Variants in MMEL1 observed in about 807,000 individuals in gnomAD.
MMEL1 encodes membrane metallo-endopeptidase-like 1.
MMEL1 carries 98 observed loss-of-function variants against 117.1 expected under a neutral mutation model. The observed-to-expected ratio is 0.84, with a 90% CI of 0.71 to 0.99. MMEL1 has a LOEUF of 0.99. Ranked by LOEUF, MMEL1 falls within the 50% of genes least tolerant of loss-of-function variation. The pLI, the probability that MMEL1 is intolerant of heterozygous loss-of-function variation, is 0.00. For missense variants in MMEL1, 1,014 were observed against 1,049.1 expected, an observed-to-expected ratio of 0.97 and a Z score of 0.46; for synonymous variants, 390 against 415.1, an observed-to-expected ratio of 0.94 and a Z score of 0.74.
Position 2,591,614 on chromosome 1 carries a change from C to G in MMEL1, c.2183G>C (p.Arg728Pro). 3 of 1,465,550 alleles carry G rather than the reference C, an allele frequency of 2.0e-6. No homozygotes were observed. Among genetic ancestry groups the G allele is most frequent in the Non-Finnish European group, 2.8e-6 (3 of 1,089,890 alleles). 90.8% of individuals were successfully genotyped at this position (1,465,550 alleles called of 1,614,324 possible). ...GATGGATTGGATGGCGAACTCGGGC[C>G]GGTAGGACCCGCACCACACCTGTGG... ...NYAQVWCGSY[R>P]PEFAIQSIKT... Residue 728 changes from arginine to proline, a missense_variant, in exon 23 of 24, where the codon CGG (arginine) becomes CCG (proline). Physicochemically the swap from Arg to Pro is moderately radical, Grantham distance 103. Coordinates refer to ENST00000378412, the MANE Select transcript of MMEL1 (RefSeq NM_033467.4).
chr1:2,599,036 G>T (rs774332212), intron 11 of MMEL1, among the ~76,000 whole-genome samples: 2 of 152,106 alleles, frequency 1.3e-5, no homozygotes, highest in Non-Finnish European at 2.9e-5. Context: ...ACACAACTTA[G>T]CAAAAATGAC....
chr1:2,615,682 G>A (rs372636038), intron 2 of MMEL1, among the ~76,000 whole-genome samples: 2 of 152,266 alleles, frequency 1.3e-5, no homozygotes, highest in East Asian at 3.9e-4. Flanking sequence ...TCATAATAGG[G>A]GAGACTGGGG....
chr1:2,598,580 G>A (rs1415506207), intron 12 of MMEL1, 74 bp downstream of exon 12: 5 of 1,594,602 alleles, frequency 3.1e-6, no homozygotes, highest in Non-Finnish European at 4.3e-6. Flanking sequence ...CCTGGGAGCA[G>A]AAGCTGTGTT....
rs4648658 is a variant in MMEL1, at chr1:2,629,443, G to A, written c.42C>T (p.Ala14=). ...SEGPVGMVES[A]GRAGQKRPGF... ...CCGGGCGCTTCTGCCCTGCACGGCCGGCGCTCTCCACCATCCCCACTGGGC... is the reference window on the plus strand; with the variant it reads ...CCGGGCGCTTCTGCCCTGCACGGCCAGCGCTCTCCACCATCCCCACTGGGC... The change falls in exon 2 of 24, where the codon GCC becomes GCT. Residue 14 remains alanine (A), a synonymous_variant. Transcript: ENST00000378412. The A allele has an allele frequency of 0.62, 957,464 of 1,541,042 alleles. 303,624 individuals carry two copies. The highest frequency in any genetic ancestry group is 0.69 in the Middle Eastern group (3,641 of 5,314).
intron 2 of MMEL1, among the ~76,000 whole-genome samples, chr1:2,617,734 T>C (rs139051271): frequency 4.7e-4 from 72 of 152,278 alleles, no homozygotes; most frequent in Non-Finnish European, 9.3e-4. Flanking sequence ...ATACTGGCAT[T>C]CGACAGCTCT....
At chr1:2,606,616 G>A (rs796743716) in intron 7 of MMEL1, among the ~76,000 whole-genome samples, 2 of 152,264 alleles carry the variant, frequency 1.3e-5, no homozygotes, top group African/African-American at 4.8e-5. Context: ...GCCACGTGAG[G>A]TGCCACTCCT....
chr1:2,599,820 G>A (rs1644902913), intron 11 of MMEL1, among the ~76,000 whole-genome samples: 1 of 146,960 alleles, frequency 6.8e-6, no homozygotes, highest in South Asian at 2.1e-4. Context: ...TCACTCCACT[G>A]CGCTCCAGCC....
chr1:2,629,459 C>G lies in MMEL1; in HGVS notation c.26G>C (p.Gly9Ala), dbSNP rs556818182. Residue 9 changes from glycine (G) to alanine (A), a missense_variant, in exon 2 of 24, where the codon GGG becomes GCG. Transcript: ENST00000378412. ...TGCACGGCCGGCGCTCTCCACCATC[C>G]CCACTGGGCCTTCGGACTTCCCCAT... is the stretch of plus-strand genomic sequence containing the variant. MGKSEGPV[G>A]MVESAGRAGQ... The G allele has an allele frequency of 1.3e-6, 2 of 1,534,274 alleles. No individual in the cohort carries two copies. The highest frequency in any genetic ancestry group is 4.0e-5 in the Admixed American group (2 of 49,974).
At chr1:2,609,481 T>C in intron 5 of MMEL1, 62 bp from the exon 6 acceptor site, 1 of 1,552,834 alleles carries the variant, frequency 6.4e-7, no homozygotes, top group Non-Finnish European at 8.8e-7. Flanking sequence ...AGGTCACAGG[T>C]CCCTACACCC....
At chr1:2,600,000 C>T (rs548852713) in intron 11 of MMEL1, among the ~76,000 whole-genome samples, 15 of 152,232 alleles carry the variant, frequency 9.9e-5, no homozygotes, top group Middle Eastern at 3.4e-3. Context: ...CAGAGTCTCG[C>T]TTTGTTGCCC....
intron 11 of MMEL1, 69 bp from the exon 12 acceptor site, chr1:2,598,859 G>T: frequency 7.3e-7 from 1 of 1,375,234 alleles, no homozygotes. Flanking sequence ...GGGAATCTAA[G>T]AAACCCAGCC....
At chr1:2,617,213 G>A (rs562277284) in intron 2 of MMEL1, among the ~76,000 whole-genome samples, 1 of 152,118 alleles carries the variant, frequency 6.6e-6, no homozygotes, top group Non-Finnish European at 1.5e-5. Flanking sequence ...GGATCACGAG[G>A]TCAGGAGATC....
rs776753201 is a variant in MMEL1, at chr1:2,606,238, C to T, written c.750+10G>A. 66 of 1,609,636 alleles carry T rather than the reference C, an allele frequency of 4.1e-5. No homozygotes were observed. Among genetic ancestry groups the T allele is most frequent in the Non-Finnish European group, 4.8e-5 (57 of 1,176,960 alleles). ...CCCTGCCTACCCCTGCCCACCGGCG[C>T]GGCTCGTACGTAGATGATGTGCCGG... On this transcript the variant is annotated intron_variant, in intron 8 of 23. Coordinates refer to ENST00000378412, the MANE Select transcript of MMEL1 (RefSeq NM_033467.4).
At chr1:2,614,789 C>T (rs1232495009) in intron 2 of MMEL1, among the ~76,000 whole-genome samples, 1 of 151,374 alleles carries the variant, frequency 6.6e-6, no homozygotes, top group African/African-American at 2.4e-5. Context: ...TACCATTATC[C>T]GATAAAAGAA....
Position 2,592,347 on chromosome 1 carries a change from A to G in MMEL1, c.2067+308T>C, listed in dbSNP as rs1163754871. Among the ~76,000 whole-genome samples, 268 of 34,220 alleles carry G rather than the reference A, an allele frequency of 7.8e-3. 4 individuals carry two copies. The highest frequency in any genetic ancestry group is 0.037 in the African/African-American group (250 of 6,776). The allele number at this position is 34,220 out of a possible 152,430, so 22.4% of individuals were successfully genotyped here. A position where few individuals can be genotyped will look rare whatever the true frequency, so the allele number is the denominator to read the frequency against. ...GCGCTGATGCCCCCCCTCCCCTGCC[A>G]TGCTGACGCCCCCTCCCCTGCTGTG... On this transcript the variant is annotated intron_variant, in intron 21 of 23. Coordinates refer to ENST00000378412, the MANE Select transcript of MMEL1 (RefSeq NM_033467.4).
rs751258199 is a variant in MMEL1 at position 2,605,592 on chromosome 1, C to T, written c.782G>A (p.Arg261Gln). The change falls in exon 9 of 24, where the codon CGA (arginine) becomes CAA (glutamine). Residue 261 changes from arginine to glutamine, a missense_variant. Arg to Gln is a conservative substitution (Grantham distance 43). Transcript: ENST00000378412. ...GCTGCCGCCGTTGAAGTAGTACTCT[C>T]GGGAGGGCATGCCCAAGGTGGGCTG... ...IDQPTLGMPSREYYFNGGSNR... is the reference protein window; with the variant it reads ...IDQPTLGMPSQEYYFNGGSNR... The T allele has an allele frequency of 4.1e-5, 66 of 1,612,898 alleles. No individual in the cohort carries two copies. The Middle Eastern group carries it at 8.2e-4, about 20-fold the overall frequency.
chr1:2,591,062 G>A lies in MMEL1; in HGVS notation c.2268C>T (p.Ala756=), dbSNP rs750776584. Residue 756 remains alanine (A), a synonymous_variant, in exon 24 of 24, where the codon GCC becomes GCT. Transcript: ENST00000378412. The part of the protein sequence containing the change: ...YRVLGSLQNL[A]AFADTFHCAR... Reference sequence around the variant, plus strand: ...CACAGTGGAACGTGTCTGCGAAGGCGGCCAGGTTCTGCAGCGACCCCAGTA... The same window carrying A: ...CACAGTGGAACGTGTCTGCGAAGGCAGCCAGGTTCTGCAGCGACCCCAGTA... 2.6e-5 allele frequency: 41 copies of A among 1,605,624 alleles called. No individual in the cohort carries two copies. The highest frequency in any genetic ancestry group is 2.0e-4 in the South Asian group (18 of 89,424).
At chr1:2,607,858 G>C (rs1483365548) in intron 6 of MMEL1, among the ~76,000 whole-genome samples, 1 of 152,102 alleles carries the variant, frequency 6.6e-6, no homozygotes, top group Non-Finnish European at 1.5e-5. Context: ...ACATTCCAGG[G>C]GAGGCTGCCT....
In MMEL1 at chr1:2,591,995, C is replaced by G. The variant is rs1480002187; in HGVS notation, c.2100G>C (p.Lys700Asn). Reference sequence around the variant, plus strand: ...GATCCAGGCCGGGCAGCTGCTGGTCCTTGCCACCCTCTGCCATCCACTTGA... The same window carrying G: ...GATCCAGGCCGGGCAGCTGCTGGTCGTTGCCACCCTCTGCCATCCACTTGA... ...AYLKWMAEGG[K>N]DQQLPGLDLT... is the part of the protein sequence containing the mutation. Residue 700 changes from lysine (K) to asparagine (N), a missense_variant, in exon 22 of 24, where the codon AAG (lysine) becomes AAC (asparagine). By Grantham distance (94) the Lys-to-Asn change is moderately conservative (BLOSUM62 0). Coordinates refer to ENST00000378412, the MANE Select transcript of MMEL1 (RefSeq NM_033467.4). 13 of 1,613,186 alleles carry G rather than the reference C, an allele frequency of 8.1e-6. No individual in the cohort carries two copies. In the Admixed American group the frequency reaches 2.2e-4, roughly 27 times the overall value.
Sources: gnomAD v4.1 joint callset for allele counts (sites outside exome capture counted in the v4.1 genomes callset) on GRCh38, gnomAD v4.1.1 for gene constraint, MANE v1.5 for transcripts, NCBI Gene and HGNC (gene_info 2026-07-23, HGNC 2026-07-21) for gene names.